CRTAC1: variants seen among roughly 807,000 people sequenced by gnomAD.
The protein encoded by CRTAC1 is acidic secreted protein in cartilage.
In CRTAC1, 37 loss-of-function variants were observed where a neutral mutation model predicts 67.8. That is an observed-to-expected ratio of 0.55 (90% CI 0.42 to 0.72). The LOEUF is 0.72. Among genes scored for constraint, CRTAC1 ranks in the 30% least tolerant of loss-of-function variants. The pLI is 0.00. For missense variants in CRTAC1, 780 were observed against 931.6 expected (o/e 0.84, Z 2.12); for synonymous variants, 348 against 371.0 (o/e 0.94, Z 0.71).
At chr10:98,019,633 G>T (rs955669458) in intron 1 of CRTAC1, among the ~76,000 whole-genome samples, 1 of 152,148 alleles carries the variant, frequency 6.6e-6, no homozygotes, top group South Asian at 2.1e-4. Context: ...TGAAAGAACT[G>T]GTCAGTTTGA....
At chr10:97,884,061 G>A in intron 12 of CRTAC1, 145 bp downstream of exon 12, 3 of 820,326 alleles carry the variant, frequency 3.7e-6, no homozygotes, top group Non-Finnish European at 3.7e-6. Flanking sequence ...TACAAATGGA[G>A]GGATCAGTAT....
At chr10:97,901,825 G>A (rs1181173743) in intron 7 of CRTAC1, among the ~76,000 whole-genome samples, 186 bp from the exon 8 acceptor site, 5 of 152,224 alleles carry the variant, frequency 3.3e-5, no homozygotes, top group African/African-American at 7.2e-5. Context: ...CTGCTTGTAC[G>A]AGAAGAAGGA....
intron 3 of CRTAC1, among the ~76,000 whole-genome samples, chr10:97,925,376 G>A (rs2050897493): frequency 6.6e-6 from 1 of 151,950 alleles, no homozygotes; most frequent in South Asian, 2.1e-4. Context: ...GAGAATGAGT[G>A]TGTGTCAGCA....
At chr10:97,867,151 T>G (rs1193943837) in intron 14 of CRTAC1, 2 of 152,176 alleles carry the variant, frequency 1.3e-5, no homozygotes, top group African/African-American at 4.8e-5. Flanking sequence ...GCCCAGGGGC[T>G]GGGGCTCTTT....
rs559569753 is a variant in CRTAC1, at chr10:97,910,751, G to A, written c.716-2604C>T. Reference sequence around the variant, plus strand: ...GGCCTTTTTCGCCTATGCAAATGGAGCCTGCCCACCAGAGCTGGCATTTGA... The same window carrying A: ...GGCCTTTTTCGCCTATGCAAATGGAACCTGCCCACCAGAGCTGGCATTTGA... On this transcript the variant is annotated intron_variant, in intron 5 of 14. Transcript: ENST00000370597. Among the ~76,000 whole-genome samples, 21 of 152,266 alleles carry A rather than the reference G, an allele frequency of 1.4e-4. No homozygotes were observed. In the South Asian group the frequency reaches 1.7e-3, roughly 12 times the overall value.
At chr10:97,919,687 G>A (rs865847311) in intron 4 of CRTAC1, among the ~76,000 whole-genome samples, 14 of 151,384 alleles carry the variant, frequency 9.2e-5, no homozygotes, top group Non-Finnish European at 1.3e-4. Context: ...AAGACCTGCT[G>A]AATCAGAATC....
At chr10:97,995,748 G>T (rs2136677543) in intron 2 of CRTAC1, among the ~76,000 whole-genome samples, 1 of 152,260 alleles carries the variant, frequency 6.6e-6, no homozygotes. Flanking sequence ...TCCTTGAACT[G>T]GTGGCAAGAT....
chr10:97,943,093 G>A (rs1414802304), intron 2 of CRTAC1, among the ~76,000 whole-genome samples: 1 of 151,828 alleles, frequency 6.6e-6, no homozygotes, highest in Non-Finnish European at 1.5e-5. Context: ...AGTGAAAAGT[G>A]AAAAGAATAT....
intron 2 of CRTAC1, among the ~76,000 whole-genome samples, chr10:97,957,235 ACTT>A (rs1230635462): frequency 1.3e-5 from 2 of 152,102 alleles, no homozygotes; most frequent in African/African-American, 2.4e-5. Flanking sequence ...GTAATGGTAG[ACTT>A]CTTAGAATGA....
intron 3 of CRTAC1, among the ~76,000 whole-genome samples, chr10:97,926,375 C>T (rs547969435): frequency 2.6e-4 from 40 of 152,324 alleles, no homozygotes; most frequent in South Asian, 8.3e-4. Flanking sequence ...TCCCTCTCAG[C>T]GTCGTTGTGG....
chr10:97,872,173 G>A (rs1301929434), intron 14 of CRTAC1, among the ~76,000 whole-genome samples: 2 of 150,194 alleles, frequency 1.3e-5, no homozygotes, highest in Non-Finnish European at 3.0e-5. Context: ...CTGGCCAGGT[G>A]AATGGAAGAT....
intron 9 of CRTAC1, among the ~76,000 whole-genome samples, 191 bp from the exon 10 acceptor site, chr10:97,896,176 G>A (rs1162457215): frequency 6.6e-6 from 1 of 152,130 alleles, no homozygotes; most frequent in Non-Finnish European, 1.5e-5. Context: ...TAGGACTCAC[G>A]GGACAGACAT....
rs191930258 is a variant in CRTAC1, at chr10:97,948,441, T to A, written c.225-12075A>T. On this transcript the variant is annotated intron_variant, in intron 2 of 14. Transcript: ENST00000370597. ...TGGATGGGTCATTTAGGACAAAAAG[T>A]GCTCTGAAAGTCCTAAGATATGTGC... Among the ~76,000 whole-genome samples the A allele has an allele frequency of 5.3e-5, 8 of 152,280 alleles. No homozygotes were observed. In the East Asian group the frequency reaches 1.5e-3, roughly 29 times the overall value.
chr10:97,996,993 C>T (rs550661585), intron 2 of CRTAC1, among the ~76,000 whole-genome samples: 2 of 147,840 alleles, frequency 1.4e-5, no homozygotes, highest in South Asian at 2.1e-4. Flanking sequence ...GGACAAAAAA[C>T]CAAACACCGC....
chr10:97,986,413 T>C (rs1241795922), intron 2 of CRTAC1, among the ~76,000 whole-genome samples: 2 of 152,166 alleles, frequency 1.3e-5, no homozygotes, highest in Non-Finnish European at 2.9e-5. Flanking sequence ...CTTCGTGAGA[T>C]GTCAATGTTA....
intron 2 of CRTAC1, among the ~76,000 whole-genome samples, chr10:97,985,752 C>T (rs2136667632): frequency 6.6e-6 from 1 of 152,288 alleles, no homozygotes; most frequent in Non-Finnish European, 1.5e-5. Context: ...AACCCCTGCA[C>T]ACAGAGGGAA....
At chr10:97,876,294 A>G (rs543129562) in intron 14 of CRTAC1, among the ~76,000 whole-genome samples, 206 of 152,284 alleles carry the variant, frequency 1.4e-3, no homozygotes, top group African/African-American at 4.8e-3. Flanking sequence ...TGGGATAATT[A>G]CAATACCTTC....
chr10:97,950,417 C>G (rs1000990199), intron 2 of CRTAC1, among the ~76,000 whole-genome samples: 1 of 152,156 alleles, frequency 6.6e-6, no homozygotes, highest in African/African-American at 2.4e-5. Flanking sequence ...AAGGAGAAGA[C>G]AGGAATTTGC....
At chr10:97,976,896 GTGTT>G (rs1367232087) in intron 2 of CRTAC1, among the ~76,000 whole-genome samples, 3 of 152,174 alleles carry the variant, frequency 2.0e-5, no homozygotes, top group Admixed American at 2.0e-4. Flanking sequence ...AGCTCAATAA[GTGTT>G]TGTTGAATTG....
Sources: allele counts gnomAD v4.1 joint callset (sites outside exome capture counted in the v4.1 genomes callset), GRCh38; gene constraint gnomAD v4.1.1; transcripts MANE v1.5; gene names NCBI Gene and HGNC (gene_info 2026-07-23, HGNC 2026-07-21).